Variants in SNAP25 observed in about 807,000 individuals in gnomAD.
SNAP25 encodes the protein synaptosomal-associated protein 25.
Under a neutral mutation model 28.7 loss-of-function variants are expected in SNAP25, and 3 were observed. The ratio of observed to expected loss-of-function variants is 0.10; its 90% CI spans 0.05 to 0.27. SNAP25 has a LOEUF of 0.27. Among genes scored for constraint, SNAP25 ranks in the 10% least tolerant of loss-of-function variants. The pLI is 1.00. For synonymous variants in SNAP25, 61 were observed against 88.1 expected (o/e 0.69, Z 1.72); for missense variants, 117 against 278.7 (o/e 0.42, Z 4.13).
intron 1 of SNAP25, among the ~76,000 whole-genome samples, chr20:10,247,950 G>A (rs2063157806): frequency 6.6e-6 from 1 of 152,332 alleles, no homozygotes; most frequent in Non-Finnish European, 1.5e-5. Context: ...TGGATCAGCT[G>A]GAGGGCTCGT....
At chr20:10,219,773 C>T (rs868351728) in intron 1 of SNAP25, 6 of 152,382 alleles carry the variant, frequency 3.9e-5, no homozygotes, top group Middle Eastern at 3.4e-3. Flanking sequence ...CAAATTGTCT[C>T]CCTGAGACCC....
At chr20:10,250,632 T>C (rs1383111145) in intron 1 of SNAP25, among the ~76,000 whole-genome samples, 1 of 152,210 alleles carries the variant, frequency 6.6e-6, no homozygotes, top group Admixed American at 6.5e-5. Context: ...CTGTAAGTAT[T>C]AACATGCTCA....
At chr20:10,292,840 C>G (rs752027728) in intron 4 of SNAP25, 2 of 1,369,962 alleles carry the variant, frequency 1.5e-6, no homozygotes, top group Non-Finnish European at 2.0e-6. Flanking sequence ...TGGAGACCCC[C>G]AAAAAATTCA....
chr20:10,298,701 G>C (rs2064165920), intron 6 of SNAP25, among the ~76,000 whole-genome samples: 1 of 152,082 alleles, frequency 6.6e-6, no homozygotes, highest in Non-Finnish European at 1.5e-5. Flanking sequence ...GGAGTTCCTG[G>C]GAGCAAGCAG....
chr20:10,237,508 A>G (rs975413887), intron 1 of SNAP25, among the ~76,000 whole-genome samples: 11 of 152,182 alleles, frequency 7.2e-5, no homozygotes, highest in Non-Finnish European at 1.0e-4. Context: ...GAATTTTGCC[A>G]ACTGTTATCA....
chr20:10,293,074 A>G lies in SNAP25; in HGVS notation c.164-87A>G. The G allele has an allele frequency of 3.4e-6, 5 of 1,451,106 alleles. No homozygotes were observed. The South Asian group carries it at 6.4e-5, about 19-fold the overall frequency. 89.9% of individuals were successfully genotyped at this position (1,451,106 alleles called of 1,614,324 possible). A position where few individuals can be genotyped will look rare whatever the true frequency, so the allele number is the denominator to read the frequency against. ...TTTTTTTTTTTCTTTTTTAATGTCAAAGTGAATGTCTGAAGTTTTGTCTTT... is the reference window on the plus strand; with the variant it reads ...TTTTTTTTTTTCTTTTTTAATGTCAGAGTGAATGTCTGAAGTTTTGTCTTT... On this transcript the variant is annotated intron_variant, in intron 4 of 7. Coordinates refer to ENST00000254976, the MANE Select transcript of SNAP25 (RefSeq NM_130811.4). The surrounding 1 kb of genome is among the most constrained non-coding windows in gnomAD (Gnocchi z 5.6).
At chr20:10,296,725 C>T (rs371388350) in intron 5 of SNAP25, 200 bp from the exon 6 acceptor site, 11 of 633,280 alleles carry the variant, frequency 1.7e-5, no homozygotes, top group Non-Finnish European at 2.3e-5. Context: ...GCAATGGATT[C>T]GATTGGAAGT....
intron 1 of SNAP25, among the ~76,000 whole-genome samples, chr20:10,263,934 A>G (rs2063463304): frequency 6.6e-6 from 1 of 152,190 alleles, no homozygotes; most frequent in Admixed American, 6.5e-5. Flanking sequence ...TCTCCTGGTC[A>G]GTGAGGCTGC....
At chr20:10,282,368 C>T (rs180958966) in intron 3 of SNAP25, among the ~76,000 whole-genome samples, 7 of 152,292 alleles carry the variant, frequency 4.6e-5, no homozygotes, top group Admixed American at 2.0e-4. Context: ...TCCAGGGTCT[C>T]GTGACTGGTT....
chr20:10,224,564 G>A (rs1256703765), intron 1 of SNAP25, among the ~76,000 whole-genome samples: 3 of 151,900 alleles, frequency 2.0e-5, no homozygotes, highest in Non-Finnish European at 4.4e-5. Context: ...CCTAGTGACC[G>A]ATGGCCTCAG....
intron 3 of SNAP25, among the ~76,000 whole-genome samples, chr20:10,282,668 A>G (rs1171252649): frequency 1.3e-5 from 2 of 152,224 alleles, no homozygotes. Context: ...CACTGTCCCC[A>G]GTAGAATGGA....
At chr20:10,225,422 G>A (rs1326934726) in intron 1 of SNAP25, among the ~76,000 whole-genome samples, 2 of 152,100 alleles carry the variant, frequency 1.3e-5, no homozygotes, top group Admixed American at 6.6e-5. Context: ...GAGATGGGGG[G>A]AAATCCTATT....
At chr20:10,239,533 A>G (rs2062987141) in intron 1 of SNAP25, among the ~76,000 whole-genome samples, 1 of 152,240 alleles carries the variant, frequency 6.6e-6, no homozygotes, top group African/African-American at 2.4e-5. Flanking sequence ...GTGTACAAGC[A>G]GGGGAGAATT....
intron 1 of SNAP25, among the ~76,000 whole-genome samples, chr20:10,259,167 G>A (rs902052432): frequency 6.6e-6 from 1 of 152,108 alleles, no homozygotes; most frequent in Non-Finnish European, 1.5e-5. Context: ...ATTCAGCAGA[G>A]GTGATAATAA....
intron 2 of SNAP25, among the ~76,000 whole-genome samples, chr20:10,276,797 T>C (rs2063699528): frequency 6.6e-6 from 1 of 152,232 alleles, no homozygotes; most frequent in Admixed American, 6.5e-5. Flanking sequence ...ATTCATCCTT[T>C]ATATCAGTAA....
intron 1 of SNAP25, among the ~76,000 whole-genome samples, chr20:10,239,215 A>G (rs1173040671): frequency 2.6e-5 from 4 of 152,180 alleles, no homozygotes; most frequent in East Asian, 3.9e-4. Context: ...TTTAAATCCC[A>G]TCTTAGATTC....
chr20:10,250,026 A>T (rs1397825109), intron 1 of SNAP25, among the ~76,000 whole-genome samples: 1 of 152,124 alleles, frequency 6.6e-6, no homozygotes, highest in Non-Finnish European at 1.5e-5. Context: ...ATTTCTAGTA[A>T]GTTCCTGCAT....
chr20:10,250,834 G>A (rs767775868), intron 1 of SNAP25, among the ~76,000 whole-genome samples: 7 of 152,108 alleles, frequency 4.6e-5, no homozygotes, highest in Non-Finnish European at 8.8e-5. Context: ...CTTTAGATAC[G>A]CAAATACTTA....
chr20:10,282,713 G>A (rs889728243), intron 3 of SNAP25, among the ~76,000 whole-genome samples: 8 of 152,104 alleles, frequency 5.3e-5, no homozygotes, highest in Admixed American at 6.6e-5. Flanking sequence ...TTGGGCCCTC[G>A]AGGAGAAAGT....
Sources: allele counts gnomAD v4.1 joint callset (sites outside exome capture counted in the v4.1 genomes callset), GRCh38; gene constraint gnomAD v4.1.1; non-coding constraint Gnocchi (gnomAD v3.1); transcripts MANE v1.5; gene names NCBI Gene and HGNC (gene_info 2026-07-23, HGNC 2026-07-21).